IFT46: variants seen among roughly 807,000 people sequenced by gnomAD.
The protein encoded by IFT46 is intraflagellar transport protein 46 homolog.
A neutral mutation model predicts 39.6 loss-of-function variants in IFT46; 19 were observed. That is an observed-to-expected ratio of 0.48 (90% confidence interval 0.33 to 0.70). IFT46 has a LOEUF of 0.70. Among genes scored for constraint, IFT46 ranks in the 30% least tolerant of loss-of-function variants. The probability of loss-of-function intolerance (pLI) is 0.01; values close to 1 mark genes in which losing one functional copy is unlikely to be tolerated. For synonymous variants in IFT46, 117 were observed against 134.8 expected, an observed-to-expected ratio of 0.87 and a Z score of 0.91; for missense variants, 334 against 364.8, an observed-to-expected ratio of 0.92 and a Z score of 0.69.
At position 118,556,890 on chromosome 11, in the gene IFT46, G is replaced by T; in HGVS notation, c.185+16C>A. ...TATTCTGAAGAGCACCCTTGGCTTG[G>T]GTGTTCTTTCCTCACCCTTCCAGAG... On this transcript the variant is annotated intron_variant, in intron 4 of 11. Coordinates refer to ENST00000264021, the MANE Select transcript of IFT46 (RefSeq NM_001168618.2). 6.4e-7 allele frequency: 1 copy of T among 1,563,140 alleles called. No individual in the cohort carries two copies.
Position 118,556,959 on chromosome 11 carries a change from T to C in IFT46, c.132A>G (p.Glu44=), listed in dbSNP as rs946252775. 5 of 1,611,336 alleles carry C rather than the reference T, an allele frequency of 3.1e-6. 1 individual carries two copies. The East Asian group carries it at 1.1e-4, about 36-fold the overall frequency. The change falls in exon 4 of 12, where the codon GAA becomes GAG. Residue 44 remains glutamate (E), a synonymous_variant. Coordinates refer to ENST00000264021, the MANE Select transcript of IFT46 (RefSeq NM_001168618.2). ...CATCATCATCAGAATCAGAATCAGT[T>C]TCAGATGAATCATCATCATCATCAT... ...DDDDDDDDSS[E]TDSDSDDDDE...
At chr11:118,546,249 G>C (rs1396356453) in intron 9 of IFT46, 4 of 701,232 alleles carry the variant, frequency 5.7e-6, no homozygotes, top group Non-Finnish European at 1.1e-5. Context: ...TGTAATACCA[G>C]CACTGTGGGA....
intron 9 of IFT46, 73 bp downstream of exon 9, chr11:118,551,713 G>T (rs1266259720): frequency 5.7e-6 from 6 of 1,051,738 alleles, no homozygotes; most frequent in Non-Finnish European, 8.7e-6. Flanking sequence ...AATAATGGAG[G>T]AAGAGAAAAA....
intron 6 of IFT46, 142 bp from the exon 7 acceptor site, chr11:118,554,729 T>C (rs1353180379): frequency 6.6e-6 from 6 of 904,740 alleles, no homozygotes; most frequent in Non-Finnish European, 9.9e-6. Flanking sequence ...AAAAAAATAT[T>C]ATCCATAGCA....
At chr11:118,576,443 A>C (rs1302870393), upstream of IFT46, among the ~76,000 whole-genome samples, 3 of 147,676 alleles carry the variant, frequency 2.0e-5, no homozygotes, top group African/African-American at 7.4e-5. Flanking sequence ...AAAAAAAAAA[A>C]AAAAAACCAA....
intron 9 of IFT46, among the ~76,000 whole-genome samples, chr11:118,551,142 C>T (rs556088186): frequency 6.7e-6 from 1 of 149,840 alleles, no homozygotes; most frequent in African/African-American, 2.5e-5. Context: ...GAGGCCAAGG[C>T]AGACGGATCA....
At chr11:118,572,481 T>G in intron 1 of IFT46, 1 of 1,573,902 alleles carries the variant, frequency 6.4e-7, no homozygotes, top group Middle Eastern at 1.7e-4. Flanking sequence ...GGTGCTCCCG[T>G]TCCCCAGACC....
At chr11:118,572,495 C>T in intron 1 of IFT46, 1 of 1,607,110 alleles carries the variant, frequency 6.2e-7, no homozygotes. Context: ...CCAGACCCTA[C>T]CCCTATCCCC....
At chr11:118,573,869 C>T (rs2135527188), upstream of IFT46, 1 of 510,014 alleles carries the variant, frequency 2.0e-6, no homozygotes, top group East Asian at 3.2e-5. Context: ...TTCAGTTTCT[C>T]CAGGAGGTTC....
At chr11:118,557,626 G>A in intron 3 of IFT46, 1 of 1,259,606 alleles carries the variant, frequency 7.9e-7, no homozygotes, top group Admixed American at 1.8e-5. Context: ...TTCTCTTCAT[G>A]GAGTATCTGA....
chr11:118,549,147 C>T (rs1282868405), intron 9 of IFT46, among the ~76,000 whole-genome samples: 1 of 151,958 alleles, frequency 6.6e-6, no homozygotes, highest in African/African-American at 2.4e-5. Context: ...GATGCGCCCA[C>T]CTCAGCCTCC....
At chr11:118,547,744 CTTTTTT>C (rs1233612951) in intron 9 of IFT46, among the ~76,000 whole-genome samples, 2 of 91,174 alleles carry the variant, frequency 2.2e-5, no homozygotes, top group Admixed American at 1.0e-4. Flanking sequence ...CTTTTCTTTT[CTTTTTT>C]TTTTTTTTTT....
At chr11:118,552,413 T>A in intron 7 of IFT46, 78 bp from the exon 8 acceptor site, 2 of 1,532,922 alleles carry the variant, frequency 1.3e-6, no homozygotes, top group East Asian at 4.5e-5. Flanking sequence ...TTATATCTGC[T>A]GCTGTTTCAT....
At chr11:118,572,727 G>A (rs1449791501) in exon 1 of IFT46, 2 of 639,522 alleles carry the variant, frequency 3.1e-6, no homozygotes, top group East Asian at 6.2e-5. Context: ...GAGATCCGAT[G>A]GAGCTGACTC....
chr11:118,556,266 C>T (rs532165101), intron 4 of IFT46, among the ~76,000 whole-genome samples: 32 of 152,240 alleles, frequency 2.1e-4, no homozygotes, highest in African/African-American at 7.7e-4. Flanking sequence ...CCGAGGCGAG[C>T]GGATCACGAG....
upstream of IFT46, among the ~76,000 whole-genome samples, chr11:118,569,137 G>T (rs1938287201): frequency 6.6e-6 from 1 of 151,400 alleles, no homozygotes; most frequent in Admixed American, 6.6e-5. Flanking sequence ...AAACTAGCCA[G>T]GCGTGGTCGT....
At chr11:118,557,951 C>A in intron 3 of IFT46, 3 of 1,439,592 alleles carry the variant, frequency 2.1e-6, no homozygotes, top group Non-Finnish European at 9.4e-7. Flanking sequence ...TTTCTATATA[C>A]CGTATGGCTT....
intron 9 of IFT46, 40 bp from the exon 10 acceptor site, chr11:118,545,893 G>T: frequency 6.3e-7 from 1 of 1,577,156 alleles, no homozygotes; most frequent in Non-Finnish European, 8.7e-7. Flanking sequence ...AAAGGATGGT[G>T]TCAGTGGTCC....
chr11:118,569,291 A>T (rs1475004475), upstream of IFT46, among the ~76,000 whole-genome samples: 148 of 149,046 alleles, frequency 9.9e-4, 1 homozygote, highest in Middle Eastern at 6.8e-3. Flanking sequence ...AAAAAAAAAA[A>T]TTTTTTTTTT....
Sources: gnomAD v4.1 joint callset for allele counts (sites outside exome capture counted in the v4.1 genomes callset) on GRCh38, gnomAD v4.1.1 for gene constraint, MANE v1.5 for transcripts, NCBI Gene and HGNC (gene_info 2026-07-23, HGNC 2026-07-21) for gene names.